Variants in NCKAP5 observed in about 807,000 individuals in gnomAD.
NCKAP5 encodes the protein nck-associated protein 5.
NCKAP5 carries 92 observed loss-of-function variants against 167.0 expected under a neutral mutation model. That is an observed-to-expected ratio of 0.55 (90% CI 0.47 to 0.66). The LOEUF (loss-of-function observed/expected upper bound fraction) is 0.66, where lower values mean the gene tolerates loss of function less well. NCKAP5 is among the 30% of genes least tolerant of loss of function. The pLI is 0.00. For missense variants in NCKAP5, 2,378 were observed against 2,315.0 expected (o/e 1.03, Z -0.56); for synonymous variants, 891 against 877.4 (o/e 1.02, Z -0.27).
At chr2:133,460,733 G>A (rs1049629824) in intron 3 of NCKAP5, among the ~76,000 whole-genome samples, 6 of 152,024 alleles carry the variant, frequency 3.9e-5, no homozygotes, top group African/African-American at 1.4e-4. Context: ...ATTAGAGAGA[G>A]CTAAGAAATT....
chr2:133,050,862 C>T (rs1274607058), intron 6 of NCKAP5, among the ~76,000 whole-genome samples: 1 of 152,134 alleles, frequency 6.6e-6, no homozygotes, highest in African/African-American at 2.4e-5. Flanking sequence ...ATTTGTTAAC[C>T]TTTCTTTGTC....
At chr2:133,221,531 C>T (rs1377181064) in intron 4 of NCKAP5, among the ~76,000 whole-genome samples, 1 of 152,134 alleles carries the variant, frequency 6.6e-6, no homozygotes, top group Non-Finnish European at 1.5e-5. Context: ...GAAATAAACA[C>T]AAATAATAAT....
chr2:133,518,647 C>T (rs932147027), intron 2 of NCKAP5, among the ~76,000 whole-genome samples: 4 of 152,014 alleles, frequency 2.6e-5, no homozygotes, highest in African/African-American at 9.7e-5. Context: ...AGCCACCGCG[C>T]CTGGCCCAGT....
In NCKAP5 at chr2:133,392,104, A is replaced by G. The variant is rs146578153; in HGVS notation, c.70-88994T>C. On this transcript the variant is annotated intron_variant, in intron 3 of 19. Coordinates refer to ENST00000409261, the MANE Select transcript of NCKAP5 (RefSeq NM_207363.3). ...GCCATTAGTCTCAGTTACATCTCAAATTACATCTACAGTTATGGGCTGCAT... is the reference window on the plus strand; with the variant it reads ...GCCATTAGTCTCAGTTACATCTCAAGTTACATCTACAGTTATGGGCTGCAT... Among the ~76,000 whole-genome samples, 733 of 152,350 alleles carry G rather than the reference A, an allele frequency of 4.8e-3. 6 individuals carry two copies. The highest frequency in any genetic ancestry group is 0.017 in the Middle Eastern group (5 of 294).
intron 8 of NCKAP5, among the ~76,000 whole-genome samples, chr2:132,884,641 A>C (rs1178182445): frequency 1.3e-5 from 2 of 152,238 alleles, no homozygotes; most frequent in Admixed American, 6.5e-5. Context: ...TTCCAATTCT[A>C]CAAAGTCATG....
chr2:133,491,974 C>T (rs1485788425), intron 3 of NCKAP5, among the ~76,000 whole-genome samples: 2 of 152,050 alleles, frequency 1.3e-5, no homozygotes, highest in African/African-American at 4.8e-5. Flanking sequence ...GTAAACAGGG[C>T]TTTTTCCATT....
intron 3 of NCKAP5, among the ~76,000 whole-genome samples, chr2:133,491,240 T>C (rs998206826): frequency 6.6e-6 from 1 of 152,208 alleles, no homozygotes; most frequent in African/African-American, 2.4e-5. Flanking sequence ...GTGTAAGAGA[T>C]GGATAATACA....
At chr2:132,859,952 TA>T (rs142069943) in intron 11 of NCKAP5, among the ~76,000 whole-genome samples, 5 of 150,716 alleles carry the variant, frequency 3.3e-5, no homozygotes, top group Non-Finnish European at 4.4e-5. Flanking sequence ...TGAAGGCAAG[TA>T]AAAAAAAATA....
In NCKAP5 at chr2:133,153,833, C is replaced by CTT. The variant is rs570596198; in HGVS notation, c.208-23724_208-23723dup. On this transcript the variant is annotated intron_variant, in intron 5 of 19. Coordinates refer to ENST00000409261, the MANE Select transcript of NCKAP5 (RefSeq NM_207363.3). ...GGCCCACTTCAAATAGTTCCTCCTT[C>CTT]TTTTTTTTTTTTTTTTTTTTGAGAT... Among the ~76,000 whole-genome samples the CTT allele has an allele frequency of 2.6e-3, 286 of 109,736 alleles. 10 individuals are homozygous for CTT. Among genetic ancestry groups the CTT allele is most frequent in the Middle Eastern group, 0.012 (2 of 168 alleles). The allele number at this position is 109,736 out of a possible 152,430, so 72.0% of individuals were successfully genotyped here.
the NCKAP5 span, among the ~76,000 whole-genome samples, chr2:133,610,644 C>T: frequency 0.034 from 5,215 of 152,122 alleles, 295 homozygotes; most frequent in East Asian, 0.22. Flanking sequence ...AAAATGAAGG[C>T]TCCAAAACAG....
At chr2:133,294,031 T>C (rs1679782117) in intron 4 of NCKAP5, among the ~76,000 whole-genome samples, 1 of 152,232 alleles carries the variant, frequency 6.6e-6, no homozygotes, top group Non-Finnish European at 1.5e-5. Flanking sequence ...TGTGCTGTTA[T>C]TGAGTTGGCA....
the NCKAP5 span, among the ~76,000 whole-genome samples, chr2:133,627,592 G>C: frequency 6.6e-6 from 1 of 152,108 alleles, no homozygotes; most frequent in Non-Finnish European, 1.5e-5. Context: ...TGGACAGCAC[G>C]GCGAAACCCC....
In NCKAP5 at chr2:133,263,283, GAA is replaced by G. The variant is rs35086235; in HGVS notation, c.143+39752_143+39753del. Reference sequence around the variant, plus strand: ...AGGCTTGAGTAAACAAACTCTCTAGGAAAAAAAAAAAAAAAACTCTACATGTC... The same window carrying G: ...AGGCTTGAGTAAACAAACTCTCTAGGAAAAAAAAAAAAAACTCTACATGTC... On this transcript the variant is annotated intron_variant, in intron 4 of 19. Transcript: ENST00000409261. Among the ~76,000 whole-genome samples the G allele has an allele frequency of 2.7e-3, 357 of 131,672 alleles. 2 individuals are homozygous for G. Among genetic ancestry groups the G allele is most frequent in the African/African-American group, 9.2e-3 (329 of 35,924 alleles). The allele number at this position is 131,672 out of a possible 152,430, so 86.4% of individuals were successfully genotyped here. A position where few individuals can be genotyped will look rare whatever the true frequency, so the allele number is the denominator to read the frequency against.
At chr2:132,887,164 A>G (rs1471024759) in intron 8 of NCKAP5, among the ~76,000 whole-genome samples, 1 of 152,212 alleles carries the variant, frequency 6.6e-6, no homozygotes, top group Non-Finnish European at 1.5e-5. Context: ...GATTGCAAAT[A>G]TGCAAATATC....
chr2:133,621,816 G>A, the NCKAP5 span, among the ~76,000 whole-genome samples: 4 of 151,832 alleles, frequency 2.6e-5, no homozygotes, highest in Admixed American at 6.6e-5. Flanking sequence ...CCCAAACCAC[G>A]CAAGGACATA....
At chr2:132,716,693 T>A (rs957618078) in intron 19 of NCKAP5, among the ~76,000 whole-genome samples, 3 of 152,158 alleles carry the variant, frequency 2.0e-5, no homozygotes, top group African/African-American at 7.2e-5. Context: ...AGGCTTGGTC[T>A]CCATCTCTGC....
chr2:132,894,135 C>T (rs1054358295), intron 8 of NCKAP5, among the ~76,000 whole-genome samples: 11 of 152,100 alleles, frequency 7.2e-5, no homozygotes, highest in African/African-American at 2.7e-4. Flanking sequence ...CAACAAAGAG[C>T]GATGGAAGGG....
intron 6 of NCKAP5, among the ~76,000 whole-genome samples, chr2:133,026,380 T>C (rs1343913856): frequency 8.7e-5 from 3 of 34,474 alleles, no homozygotes; most frequent in Non-Finnish European, 2.2e-4. Context: ...GTTCTAGTGT[T>C]TTTTTTTTTT....
chr2:133,424,116 A>G (rs1402695050), intron 3 of NCKAP5, among the ~76,000 whole-genome samples: 1 of 152,202 alleles, frequency 6.6e-6, no homozygotes, highest in Non-Finnish European at 1.5e-5. Flanking sequence ...AACCTGCTCT[A>G]CTGAAACTAA....
Sources: allele counts gnomAD v4.1 joint callset (sites outside exome capture counted in the v4.1 genomes callset), GRCh38; gene constraint gnomAD v4.1.1; transcripts MANE v1.5; gene names NCBI Gene and HGNC (gene_info 2026-07-23, HGNC 2026-07-21).